KIAA0586: variants seen among roughly 807,000 people sequenced by gnomAD.
The protein encoded by KIAA0586 is protein TALPID3.
Under a neutral mutation model 169.8 loss-of-function variants are expected in KIAA0586, and 144 were observed. That is an observed-to-expected ratio of 0.85 (90% confidence interval 0.74 to 0.97). The LOEUF (loss-of-function observed/expected upper bound fraction) is 0.97, where lower values mean the gene tolerates loss of function less well. Ranked by LOEUF, KIAA0586 falls within the 50% of genes least tolerant of loss-of-function variation. KIAA0586 has a pLI of 0.00. For synonymous variants in KIAA0586, 625 were observed against 612.4 expected, an observed-to-expected ratio of 1.02 and a Z score of -0.30; for missense variants, 1,854 against 1,823.0, an observed-to-expected ratio of 1.02 and a Z score of -0.31.
At chr14:58,466,234 A>G (rs951003645) in intron 15 of KIAA0586, among the ~76,000 whole-genome samples, 8 of 152,114 alleles carry the variant, frequency 5.3e-5, no homozygotes, top group Non-Finnish European at 1.2e-4. Context: ...TTAAATTCTT[A>G]TCAGCAGTAG....
rs2140368936 is a variant in KIAA0586 at position 58,427,932 on chromosome 14, C to T, written c.-333C>T. 7.3e-7 allele frequency: 1 copy of T among 1,373,124 alleles called. No homozygotes were observed. The highest frequency in any genetic ancestry group is 1.5e-5 in the African/African-American group (1 of 68,576). The allele number at this position is 1,373,124 out of a possible 1,614,324, so 85.1% of individuals were successfully genotyped here. A position where few individuals can be genotyped will look rare whatever the true frequency, so the allele number is the denominator to read the frequency against. On this transcript the variant is annotated 5_prime_UTR_variant, in exon 1 of 31. Transcript: ENST00000652326. The stretch of plus-strand genomic sequence containing the variant: ...CTCTTCTCAACAAATTTTAAGCCCG[C>T]CACTACATGTGTTTGGTTTTGCCCT...
At chr14:58,437,704 C>CAAAAAAAA (rs71107947) in intron 4 of KIAA0586, among the ~76,000 whole-genome samples, 1 of 61,602 alleles carries the variant, frequency 1.6e-5, no homozygotes, top group Non-Finnish European at 2.8e-5. Flanking sequence ...GATCCTGTCT[C>CAAAAAAAA]AAAAAAAAAA....
At chr14:58,493,033 G>C (rs1356484810) in intron 26 of KIAA0586, among the ~76,000 whole-genome samples, 3 of 152,152 alleles carry the variant, frequency 2.0e-5, no homozygotes, top group African/African-American at 7.2e-5. Context: ...TTGGACAAGG[G>C]AGTTGCCTTA....
At chr14:58,511,590 G>A (rs2044389906) in intron 28 of KIAA0586, among the ~76,000 whole-genome samples, 1 of 152,168 alleles carries the variant, frequency 6.6e-6, no homozygotes, top group Non-Finnish European at 1.5e-5. Flanking sequence ...GGTAGTCCTA[G>A]TACCCATCTT....
At chr14:58,521,190 T>C in intron 29 of KIAA0586, 1 of 754,132 alleles carries the variant, frequency 1.3e-6, no homozygotes, top group South Asian at 1.7e-5. Flanking sequence ...AGCTACATTT[T>C]TGGCTTTGTG....
chr14:58,477,274 T>A, intron 20 of KIAA0586, 33 bp downstream of exon 20: 1 of 1,157,132 alleles, frequency 8.6e-7, no homozygotes, highest in Non-Finnish European at 1.3e-6. Context: ...TTGTTTTTAT[T>A]AAAAGACAAA....
intron 29 of KIAA0586, among the ~76,000 whole-genome samples, chr14:58,513,676 T>C (rs1057223553): frequency 2.0e-5 from 3 of 151,990 alleles, no homozygotes; most frequent in African/African-American, 7.2e-5. Flanking sequence ...TTAATCATGA[T>C]AGTATATCGA....
At chr14:58,440,208 T>C (rs1213459921) in intron 4 of KIAA0586, 1 of 449,236 alleles carries the variant, frequency 2.2e-6, no homozygotes, top group Admixed American at 2.4e-5. Context: ...ATAATGTATT[T>C]TGTGAACATT....
At chr14:58,557,734 T>A in the KIAA0586 span, among the ~76,000 whole-genome samples, 1 of 152,094 alleles carries the variant, frequency 6.6e-6, no homozygotes, top group African/African-American at 2.4e-5. Context: ...AATGCTCCTA[T>A]TAGGCAGCTT....
Position 58,457,769 on chromosome 14 carries a change from C to A in KIAA0586, c.1373C>A (p.Ser458Tyr). The A allele has an allele frequency of 1.9e-6, 3 of 1,587,128 alleles. No homozygotes were observed. Among genetic ancestry groups the A allele is most frequent in the Non-Finnish European group, 2.6e-6 (3 of 1,168,068 alleles). Residue 458 changes from serine to tyrosine, a missense_variant, in exon 11 of 31, where the codon TCT (serine) becomes TAT (tyrosine). Coordinates refer to ENST00000652326, the MANE Select transcript of KIAA0586 (RefSeq NM_001329943.3). The stretch of plus-strand genomic sequence containing the variant: ...TTTTTTTCTTTTAAGCCAAAAGAAT[C>A]TCTGAGTATGTTGAAGCTTCCAGAT... The part of the protein sequence containing the change: ...ETNSMVQPKE[S>Y]LSMLKLPDLP...
chr14:58,535,297 G>C (rs1285291674), intron 29 of KIAA0586, among the ~76,000 whole-genome samples: 1 of 148,494 alleles, frequency 6.7e-6, no homozygotes, highest in East Asian at 1.9e-4. Flanking sequence ...AAAACATAGA[G>C]TCTCTCAGTT....
At chr14:58,459,715 T>C in intron 12 of KIAA0586, 128 bp from the exon 13 acceptor site, 1 of 492,976 alleles carries the variant, frequency 2.0e-6, no homozygotes, top group Non-Finnish European at 3.5e-6. Context: ...ATATCCTTTA[T>C]TTTTAATGCA....
intron 29 of KIAA0586, among the ~76,000 whole-genome samples, chr14:58,530,437 A>T (rs2045885492): frequency 1.3e-5 from 2 of 152,230 alleles, no homozygotes; most frequent in African/African-American, 2.4e-5. Context: ...CCTGACTTCA[A>T]ACTATATTAC....
At chr14:58,453,146 C>T (rs917815687) in intron 8 of KIAA0586, among the ~76,000 whole-genome samples, 5 of 149,376 alleles carry the variant, frequency 3.3e-5, no homozygotes, top group East Asian at 2.0e-4. Flanking sequence ...CTCGAACTTC[C>T]GACCTCAGAT....
At chr14:58,547,684 G>GCCCCC in intron 30 of KIAA0586, 97 bp from the exon 31 acceptor site, 2 of 946,964 alleles carry the variant, frequency 2.1e-6, no homozygotes, top group Non-Finnish European at 3.1e-6. Flanking sequence ...TGGAATCCGC[G>GCCCCC]CCCCCCCACC....
downstream of KIAA0586, among the ~76,000 whole-genome samples, chr14:58,556,182 A>G (rs1273628977): frequency 6.6e-6 from 1 of 152,182 alleles, no homozygotes; most frequent in African/African-American, 2.4e-5. Context: ...AGTGTTTACA[A>G]TTTCTTCTTT....
At chr14:58,508,267 T>C (rs1471016774) in intron 27 of KIAA0586, among the ~76,000 whole-genome samples, 1 of 152,100 alleles carries the variant, frequency 6.6e-6, no homozygotes, top group African/African-American at 2.4e-5. Context: ...GTATTAAGAG[T>C]TCGTATGTGG....
chr14:58,491,156 CCT>C (rs1217694859), intron 25 of KIAA0586, among the ~76,000 whole-genome samples: 1 of 152,068 alleles, frequency 6.6e-6, no homozygotes, highest in Non-Finnish European at 1.5e-5. Flanking sequence ...GCATTTTTCT[CCT>C]CTCTTTGAAC....
Position 58,442,687 on chromosome 14 carries a change from A to T in KIAA0586, c.411-19A>T. ...AATGTAGTTTACTGAATACATTTTT[A>T]TTGCTTTTTTATTTATAGAGCTCAA... On this transcript the variant is annotated intron_variant, in intron 4 of 30. Transcript: ENST00000652326. The T allele has an allele frequency of 6.7e-7, 1 of 1,499,472 alleles. No homozygotes were observed. 92.9% of individuals were successfully genotyped at this position (1,499,472 alleles called of 1,614,324 possible). A position where few individuals can be genotyped will look rare whatever the true frequency, so the allele number is the denominator to read the frequency against.
Sources: allele counts gnomAD v4.1 joint callset (sites outside exome capture counted in the v4.1 genomes callset), GRCh38; gene constraint gnomAD v4.1.1; transcripts MANE v1.5; gene names NCBI Gene and HGNC (gene_info 2026-07-23, HGNC 2026-07-21).